Variants in AHRR observed in about 807,000 individuals in gnomAD.
AHRR encodes ahR repressor.
A neutral mutation model predicts 44.0 loss-of-function variants in AHRR; 28 were observed. The observed-to-expected ratio is 0.64, with a 90% confidence interval of 0.47 to 0.87. The LOEUF (loss-of-function observed/expected upper bound fraction) is 0.87. Among genes scored for constraint, AHRR ranks in the 40% least tolerant of loss-of-function variants. The pLI is 0.00. For missense variants in AHRR, 990 were observed against 953.9 expected (o/e 1.04, Z -0.50); for synonymous variants, 434 against 407.0 (o/e 1.07, Z -0.80).
intron 3 of AHRR, among the ~76,000 whole-genome samples, chr5:361,389 G>A (rs948603811): frequency 8.5e-5 from 13 of 152,368 alleles, no homozygotes; most frequent in African/African-American, 2.6e-4. Context: ...GACACTATCA[G>A]CTTGGCCTAA....
chr5:417,997 C>T (rs1392995467), intron 5 of AHRR, among the ~76,000 whole-genome samples: 1 of 152,198 alleles, frequency 6.6e-6, no homozygotes, highest in African/African-American at 2.4e-5. Flanking sequence ...TTGCCATTGA[C>T]ATTTGTTGAT....
rs1267298344 is a variant in AHRR, at chr5:338,128, T to C, written c.-10-5765T>C. ...CTGTGTAGCCGCCATATACTTGATG[T>C]CCACGTTTGTTGTGAACCCCACAAC... On this transcript the variant is annotated intron_variant, in intron 1 of 10. Coordinates refer to ENST00000684583, the MANE Select transcript of AHRR (RefSeq NM_001377236.1). This position sits in a 1 kb window ranked among gnomAD's most constrained non-coding sequence, Gnocchi z 4.1. 1.3e-5 allele frequency among the ~76,000 whole-genome samples: 2 copies of C among 152,218 alleles called. No homozygotes were observed. The highest frequency in any genetic ancestry group is 1.9e-4 in the East Asian group (1 of 5,198).
At chr5:343,770 TG>T in intron 1 of AHRR, 122 bp from the exon 2 acceptor site, 1 of 925,652 alleles carries the variant, frequency 1.1e-6, no homozygotes, top group Non-Finnish European at 1.6e-6. Context: ...GAGCAGGAGG[TG>T]GGGGCCTCGC....
intron 5 of AHRR, among the ~76,000 whole-genome samples, chr5:415,236 G>A (rs570068514): frequency 6.6e-6 from 1 of 152,366 alleles, no homozygotes; most frequent in African/African-American, 2.4e-5. Context: ...CGAGGAAAGG[G>A]TCCCAGAGCC....
At chr5:365,834 G>A (rs79486184) in intron 3 of AHRR, among the ~76,000 whole-genome samples, 15,010 of 152,108 alleles carry the variant, frequency 0.099, 1,054 homozygotes, top group Non-Finnish European at 0.13. Context: ...CCTGAATGTC[G>A]TAGGACCATT....
At chr5:426,242 A>G (rs1736381363) in intron 7 of AHRR, among the ~76,000 whole-genome samples, 1 of 152,186 alleles carries the variant, frequency 6.6e-6, no homozygotes, top group Admixed American at 6.5e-5. Context: ...GGTTGGATAG[A>G]TGGGAAGATG....
chr5:402,080 A>G (rs374317681), intron 4 of AHRR, among the ~76,000 whole-genome samples: 1 of 152,312 alleles, frequency 6.6e-6, no homozygotes, highest in Non-Finnish European at 1.5e-5. Flanking sequence ...CCCCACATAC[A>G]TAAGGAACCC....
At chr5:364,395 G>A (rs1373106494) in intron 3 of AHRR, among the ~76,000 whole-genome samples, 1 of 152,128 alleles carries the variant, frequency 6.6e-6, no homozygotes, top group Non-Finnish European at 1.5e-5. Flanking sequence ...ATTTTAAAAA[G>A]AGAAATAAGT....
At chr5:424,515 G>C (rs1736299114) in intron 7 of AHRR, among the ~76,000 whole-genome samples, 1 of 152,160 alleles carries the variant, frequency 6.6e-6, no homozygotes, top group Non-Finnish European at 1.5e-5. Context: ...GATGGTGTGG[G>C]GCTGTGACGC....
Position 434,804 on chromosome 5 carries a change from C to T in AHRR, c.2064C>T (p.Pro688=). The change falls in exon 11 of 11, where the codon CCC becomes CCT. Residue 688 remains proline, a synonymous_variant. Coordinates refer to ENST00000684583, the MANE Select transcript of AHRR (RefSeq NM_001377236.1). ...PKSALATLVP[P]QASGCTFLP is the part of the protein sequence containing the mutation. ...GTGCCTTGGCCACGCTGGTCCCGCC[C>T]CAAGCTTCGGGGTGCACATTCCTGC... is the stretch of plus-strand genomic sequence containing the variant. 5 of 1,553,456 alleles carry T rather than the reference C, an allele frequency of 3.2e-6. No homozygotes were observed. The highest frequency in any genetic ancestry group is 4.4e-6 in the Non-Finnish European group (5 of 1,148,190).
chr5:361,210 A>G (rs1335575361), intron 3 of AHRR, among the ~76,000 whole-genome samples: 3 of 152,256 alleles, frequency 2.0e-5, no homozygotes, highest in African/African-American at 7.2e-5. Context: ...ACTGCACTCC[A>G]GCCTGGGCGA....
In AHRR at chr5:337,468, T is replaced by G. The variant is rs1742181333; in HGVS notation, c.-10-6425T>G. On this transcript the variant is annotated intron_variant, in intron 1 of 10. Coordinates refer to ENST00000684583, the MANE Select transcript of AHRR (RefSeq NM_001377236.1). This position sits in a 1 kb window ranked among gnomAD's most constrained non-coding sequence, Gnocchi z 4.1. The stretch of plus-strand genomic sequence containing the variant: ...ATCTGGGCTCACTGCAGCCTTGACC[T>G]CCCAGGCTCAAGCGATACTCCTGCC... Among the ~76,000 whole-genome samples, 1 of 152,152 alleles carries G rather than the reference T, an allele frequency of 6.6e-6. No homozygotes were observed. The highest frequency in any genetic ancestry group is 6.5e-5 in the Admixed American group (1 of 15,280).
intron 6 of AHRR, 150 bp downstream of exon 6, chr5:423,008 C>T (rs1736204629): frequency 1.9e-5 from 22 of 1,129,674 alleles, no homozygotes; most frequent in Non-Finnish European, 2.6e-5. Flanking sequence ...CTTCAGAGGC[C>T]TCCTCCCATG....
At position 360,766 on chromosome 5, in the gene AHRR, A is replaced by G. The variant is rs57521521; in HGVS notation, c.244+6855A>G. Among the ~76,000 whole-genome samples, 885 of 152,272 alleles carry G rather than the reference A, an allele frequency of 5.8e-3. 9 individuals are homozygous for G. The highest frequency in any genetic ancestry group is 0.02 in the African/African-American group (817 of 41,530). ...GGACTGAATTCTAGCATTTTGTGGA[A>G]AGTGGAACTTGCAAGTGATGAAATG... On this transcript the variant is annotated intron_variant, in intron 3 of 10. Transcript: ENST00000684583.
rs1045160294 is a variant in AHRR at position 383,940 on chromosome 5, A to C, written c.351+7224A>C. Among the ~76,000 whole-genome samples the C allele has an allele frequency of 6.6e-6, 1 of 152,058 alleles. No individual in the cohort carries two copies. The highest frequency in any genetic ancestry group is 2.4e-5 in the African/African-American group (1 of 41,384). On this transcript the variant is annotated intron_variant, in intron 4 of 10. Transcript: ENST00000684583. This position sits in a 1 kb window ranked among gnomAD's most constrained non-coding sequence, Gnocchi z 4.0. ...TTACTTTTAATCAATTTATGTCATT[A>C]TATTAAAAGTGTGTGTTTTGTTGGC...
chr5:409,472 T>C (rs1735387139), intron 4 of AHRR, among the ~76,000 whole-genome samples: 1 of 152,222 alleles, frequency 6.6e-6, no homozygotes, highest in African/African-American at 2.4e-5. Flanking sequence ...CTCGCCAGTA[T>C]TCAGTGCTGT....
intron 2 of AHRR, among the ~76,000 whole-genome samples, chr5:350,012 A>G (rs1257551390): frequency 6.6e-6 from 1 of 152,184 alleles, no homozygotes; most frequent in African/African-American, 2.4e-5. Flanking sequence ...TAACCAAATC[A>G]TCTTTAATAT....
intron 4 of AHRR, among the ~76,000 whole-genome samples, chr5:378,199 A>G (rs747980429): frequency 6.6e-6 from 1 of 152,242 alleles, no homozygotes. Context: ...GCAAGCAACA[A>G]CAGCAGCAAA....
intron 5 of AHRR, among the ~76,000 whole-genome samples, chr5:416,152 G>A (rs568671767): frequency 6.6e-6 from 1 of 152,366 alleles, no homozygotes; most frequent in South Asian, 2.1e-4. Context: ...GGAGGACGCA[G>A]GGGGACATGG....
Sources: allele counts gnomAD v4.1 joint callset (sites outside exome capture counted in the v4.1 genomes callset), GRCh38; gene constraint gnomAD v4.1.1; non-coding constraint Gnocchi (gnomAD v3.1); transcripts MANE v1.5; gene names NCBI Gene and HGNC (gene_info 2026-07-23, HGNC 2026-07-21).